Variants in MTHFD1L observed in about 807,000 individuals in gnomAD.
The protein encoded by MTHFD1L is monofunctional C1-tetrahydrofolate synthase, mitochondrial.
A neutral mutation model predicts 119.5 loss-of-function variants in MTHFD1L; 81 were observed. The observed-to-expected ratio is 0.68, with a 90% CI of 0.57 to 0.82. The LOEUF is 0.82. MTHFD1L is among the 40% of genes least tolerant of loss of function. The pLI, the probability that MTHFD1L is intolerant of heterozygous loss-of-function variation, is 0.00. For synonymous variants in MTHFD1L, 430 were observed against 475.2 expected (o/e 0.90, Z 1.24); for missense variants, 1,125 against 1,253.4 (o/e 0.90, Z 1.55).
intron 8 of MTHFD1L, among the ~76,000 whole-genome samples, chr6:150,906,147 G>A (rs1005270573): frequency 1.1e-4 from 16 of 152,206 alleles, no homozygotes; most frequent in African/African-American, 3.4e-4. Flanking sequence ...GCAGATGAGC[G>A]CCGGATTGTT....
At chr6:150,965,692 CATT>C (rs1797112206) in intron 19 of MTHFD1L, among the ~76,000 whole-genome samples, 2 of 151,234 alleles carry the variant, frequency 1.3e-5, no homozygotes, top group Non-Finnish European at 2.9e-5. Flanking sequence ...CAATGTCTAA[CATT>C]TCAATAGGTT....
chr6:150,866,319 G>T, intron 1 of MTHFD1L: 1 of 1,457,504 alleles, frequency 6.9e-7, no homozygotes, highest in African/African-American at 1.5e-5. Flanking sequence ...GGCATGGACC[G>T]CACGCCCGGC....
At chr6:151,030,851 C>G (rs1785247702) in intron 24 of MTHFD1L, among the ~76,000 whole-genome samples, 1 of 152,144 alleles carries the variant, frequency 6.6e-6, no homozygotes, top group Non-Finnish European at 1.5e-5. Context: ...AGTTTATCAA[C>G]CATTCTTTAT....
chr6:150,994,693 A>G (rs901645844), intron 20 of MTHFD1L, among the ~76,000 whole-genome samples: 1 of 152,352 alleles, frequency 6.6e-6, no homozygotes. Context: ...GACACATCCA[A>G]TAGTAAGAGT....
intron 21 of MTHFD1L, among the ~76,000 whole-genome samples, chr6:151,012,799 G>A (rs1782494725): frequency 6.6e-6 from 1 of 152,142 alleles, no homozygotes; most frequent in African/African-American, 2.4e-5. Flanking sequence ...TCTGCACTGT[G>A]GGCTGGCAAG....
rs141094883 is a variant in MTHFD1L, at chr6:151,064,193, A to T, written c.2847+27076A>T. Among the ~76,000 whole-genome samples the T allele has an allele frequency of 5.1e-3, 777 of 152,362 alleles. 6 individuals are homozygous for T. The highest frequency in any genetic ancestry group is 0.017 in the African/African-American group (698 of 41,580). Reference sequence around the variant, plus strand: ...TCAATTTGAAGAGTTGTCTCTTTATAATCTCTGATTTCACTTATAGAGCTT... The same window carrying T: ...TCAATTTGAAGAGTTGTCTCTTTATTATCTCTGATTTCACTTATAGAGCTT... On this transcript the variant is annotated intron_variant, in intron 26 of 27. Coordinates refer to ENST00000367321, the MANE Select transcript of MTHFD1L (RefSeq NM_015440.5).
intron 12 of MTHFD1L, among the ~76,000 whole-genome samples, chr6:150,937,925 G>A (rs533970936): frequency 6.6e-6 from 1 of 152,308 alleles, no homozygotes; most frequent in South Asian, 2.1e-4. Flanking sequence ...TGAGGGATAC[G>A]CAGCATGACA....
intron 22 of MTHFD1L, among the ~76,000 whole-genome samples, chr6:151,014,206 C>CA (rs1280267879): frequency 8.6e-5 from 13 of 150,648 alleles, no homozygotes; most frequent in Admixed American, 3.3e-4. Flanking sequence ...GACTCTGTCT[C>CA]AAAAAAAAGA....
intron 21 of MTHFD1L, among the ~76,000 whole-genome samples, chr6:151,013,464 A>G (rs1393212231): frequency 2.0e-5 from 3 of 152,214 alleles, no homozygotes. Context: ...ATTTGAACCA[A>G]TGTTTGAGAA....
intron 20 of MTHFD1L, among the ~76,000 whole-genome samples, chr6:150,983,713 T>A (rs928161107): frequency 5.3e-5 from 8 of 152,190 alleles, no homozygotes; most frequent in Non-Finnish European, 1.2e-4. Flanking sequence ...TTCCAAGCAG[T>A]TGTCATAAAA....
intron 26 of MTHFD1L, among the ~76,000 whole-genome samples, chr6:151,047,962 A>G (rs944050436): frequency 1.3e-5 from 2 of 152,162 alleles, no homozygotes; most frequent in African/African-American, 4.8e-5. Context: ...AAGCAAGCAC[A>G]TCTTCACATG....
chr6:151,100,034 CTTTT>C (rs377326942), intron 27 of MTHFD1L: 1,011 of 468,254 alleles, frequency 2.2e-3, no homozygotes, highest in Middle Eastern at 3.7e-3. Flanking sequence ...TCTTTCTTTT[CTTTT>C]TTTTTTTTTT....
intron 24 of MTHFD1L, among the ~76,000 whole-genome samples, chr6:151,028,984 T>A (rs1290213681): frequency 6.6e-6 from 1 of 151,934 alleles, no homozygotes; most frequent in East Asian, 1.9e-4. Context: ...GGTAAGAGGA[T>A]CACTTGAGCC....
intron 13 of MTHFD1L, among the ~76,000 whole-genome samples, chr6:150,942,326 T>C (rs1793268770): frequency 6.6e-6 from 1 of 152,152 alleles, no homozygotes; most frequent in East Asian, 1.9e-4. Context: ...ATTGACAAAA[T>C]TGGATTTTTC....
At chr6:151,093,315 C>G (rs891274775) in intron 27 of MTHFD1L, among the ~76,000 whole-genome samples, 1 of 152,140 alleles carries the variant, frequency 6.6e-6, no homozygotes, top group Non-Finnish European at 1.5e-5. Flanking sequence ...TATAAGGACC[C>G]CAGTCCTATT....
At chr6:151,020,273 A>C (rs1159688564) in intron 24 of MTHFD1L, among the ~76,000 whole-genome samples, 1 of 152,252 alleles carries the variant, frequency 6.6e-6, no homozygotes, top group East Asian at 1.9e-4. Context: ...AATGTGAAGT[A>C]GAAATTGTCT....
rs1457385056 is a variant in MTHFD1L, at chr6:150,962,920, T to C, written c.1945-2049T>C. Among the ~76,000 whole-genome samples, 4 of 146,396 alleles carry C rather than the reference T, an allele frequency of 2.7e-5. No homozygotes were observed. In the East Asian group the frequency reaches 5.9e-4, roughly 21 times the overall value. On this transcript the variant is annotated intron_variant, in intron 18 of 27. Coordinates refer to ENST00000367321, the MANE Select transcript of MTHFD1L (RefSeq NM_015440.5). ...TTCTTTTTTCTTTTCTTTTCTTTTTTTTTTTTTTTTTTTGAGATGGAGTCT... is the reference window on the plus strand; with the variant it reads ...TTCTTTTTTCTTTTCTTTTCTTTTTCTTTTTTTTTTTTTGAGATGGAGTCT...
chr6:151,008,572 G>A (rs1781720707), intron 20 of MTHFD1L, among the ~76,000 whole-genome samples: 1 of 152,120 alleles, frequency 6.6e-6, no homozygotes, highest in Admixed American at 6.5e-5. Context: ...GAGCAGCAAG[G>A]TCCTAGAGCT....
chr6:151,063,339 T>C (rs1790863101), intron 26 of MTHFD1L, among the ~76,000 whole-genome samples: 1 of 152,172 alleles, frequency 6.6e-6, no homozygotes, highest in African/African-American at 2.4e-5. Flanking sequence ...GTAGTCTCTC[T>C]CTCTATATAT....
Sources: allele counts gnomAD v4.1 joint callset (sites outside exome capture counted in the v4.1 genomes callset), GRCh38; gene constraint gnomAD v4.1.1; transcripts MANE v1.5; gene names NCBI Gene and HGNC (gene_info 2026-07-23, HGNC 2026-07-21).